Variants in DNM3 observed in about 807,000 individuals in gnomAD.
DNM3 encodes dynamin-3.
In DNM3, 47 loss-of-function variants were observed where a neutral mutation model predicts 101.6. That is an observed-to-expected ratio of 0.46 (90% CI 0.37 to 0.59). DNM3 has a LOEUF of 0.59. Among genes scored for constraint, DNM3 ranks in the 20% least tolerant of loss-of-function variants. The pLI, the probability that DNM3 is intolerant of heterozygous loss-of-function variation, is 0.00. For synonymous variants in DNM3, 385 were observed against 387.9 expected (o/e 0.99, Z 0.09); for missense variants, 849 against 1,085.7 (o/e 0.78, Z 3.06).
intron 17 of DNM3, among the ~76,000 whole-genome samples, chr1:172,358,840 T>A (rs776306071): frequency 4.0e-5 from 6 of 151,888 alleles, no homozygotes; most frequent in Non-Finnish European, 8.8e-5. Flanking sequence ...TCCATGCTCA[T>A]ATTTGACTCC....
intron 20 of DNM3, among the ~76,000 whole-genome samples, chr1:172,401,757 T>C (rs1213074959): frequency 6.6e-6 from 1 of 152,206 alleles, no homozygotes; most frequent in Non-Finnish European, 1.5e-5. Flanking sequence ...TCCAAAAATA[T>C]GCTGAATAGC....
intron 17 of DNM3, among the ~76,000 whole-genome samples, chr1:172,358,380 G>T (rs1273451468): frequency 1.3e-5 from 2 of 152,086 alleles, no homozygotes; most frequent in Non-Finnish European, 2.9e-5. Context: ...CCAGTGGGAA[G>T]AAAGAAGAGC....
At chr1:172,256,608 C>T (rs2148697464) in intron 15 of DNM3, among the ~76,000 whole-genome samples, 1 of 151,830 alleles carries the variant, frequency 6.6e-6, no homozygotes, top group Non-Finnish European at 1.5e-5. Context: ...AGTTTTGTGT[C>T]TTTTCAGAGA....
chr1:171,848,568 A>G (rs1463505705), intron 1 of DNM3, among the ~76,000 whole-genome samples: 9 of 152,210 alleles, frequency 5.9e-5, no homozygotes, highest in Non-Finnish European at 1.0e-4. Context: ...GCTTCTGAAA[A>G]GTTGTATGTA....
At chr1:172,353,030 C>T (rs1383022174) in intron 17 of DNM3, among the ~76,000 whole-genome samples, 1 of 152,102 alleles carries the variant, frequency 6.6e-6, no homozygotes, top group Non-Finnish European at 1.5e-5. Context: ...CAAATCCCCA[C>T]CTCAAGGTAT....
At chr1:172,280,367 C>T (rs575643764) in intron 15 of DNM3, among the ~76,000 whole-genome samples, 1 of 152,054 alleles carries the variant, frequency 6.6e-6, no homozygotes, top group Non-Finnish European at 1.5e-5. Context: ...TCAGTGAAGG[C>T]AAAAATTTAA....
At chr1:172,151,488 A>G (rs917636074) in intron 14 of DNM3, among the ~76,000 whole-genome samples, 1 of 152,208 alleles carries the variant, frequency 6.6e-6, no homozygotes, top group Non-Finnish European at 1.5e-5. Flanking sequence ...CTTCTGTCTT[A>G]TAACAAAATG....
chr1:172,064,374 G>T (rs1330507562), intron 10 of DNM3, among the ~76,000 whole-genome samples: 1 of 152,166 alleles, frequency 6.6e-6, no homozygotes, highest in Non-Finnish European at 1.5e-5. Flanking sequence ...TGGTATAAAT[G>T]ATTGAGGAAA....
chr1:172,368,693 A>G (rs1431906254), intron 17 of DNM3, among the ~76,000 whole-genome samples: 2 of 151,692 alleles, frequency 1.3e-5, no homozygotes, highest in African/African-American at 4.8e-5. Context: ...TTCTGAAAAG[A>G]TAAACAGAAT....
chr1:172,253,518 TCCTC>T, intron 14 of DNM3, 51 bp from the exon 15 acceptor site: 2 of 1,138,340 alleles, frequency 1.8e-6, no homozygotes, highest in African/African-American at 1.6e-5. Flanking sequence ...TCCTCTCCTC[TCCTC>T]TCCTCTCCTC....
At chr1:172,347,600 C>G (rs1301112309) in intron 17 of DNM3, among the ~76,000 whole-genome samples, 2 of 152,104 alleles carry the variant, frequency 1.3e-5, no homozygotes, top group African/African-American at 4.8e-5. Flanking sequence ...ACTGGAAAAT[C>G]TGTAGTGATA....
intron 18 of DNM3, among the ~76,000 whole-genome samples, chr1:172,384,398 A>C (rs1355468978): frequency 6.6e-6 from 1 of 152,204 alleles, no homozygotes; most frequent in Non-Finnish European, 1.5e-5. Context: ...TGTGCTGGGC[A>C]TCATGCTAGA....
chr1:172,260,365 T>A (rs1300458030), intron 15 of DNM3, among the ~76,000 whole-genome samples: 2 of 152,128 alleles, frequency 1.3e-5, no homozygotes, highest in Admixed American at 6.5e-5. Context: ...TCTAAATATT[T>A]TGCTAAGTTT....
chr1:171,875,913 T>C (rs1372570226), intron 1 of DNM3, among the ~76,000 whole-genome samples: 1 of 144,364 alleles, frequency 6.9e-6, no homozygotes, highest in Admixed American at 7.2e-5. Flanking sequence ...TGGGTTCAAG[T>C]GATTCTTGTG....
chr1:172,411,308 T>G lies in DNM3; in HGVS notation c.*3467T>G. 1 of 985,196 alleles carries G rather than the reference T, an allele frequency of 1.0e-6. No individual in the cohort carries two copies. The highest frequency in any genetic ancestry group is 1.2e-6 in the Non-Finnish European group (1 of 829,762). 61.0% of individuals were successfully genotyped at this position (985,196 alleles called of 1,614,324 possible). A position where few individuals can be genotyped will look rare whatever the true frequency, so the allele number is the denominator to read the frequency against. On this transcript the variant is annotated 3_prime_UTR_variant, in exon 21 of 21. Coordinates refer to ENST00000627582, the MANE Select transcript of DNM3 (RefSeq NM_015569.5). ...GTCATTTTGAGAGGTACAAAGCTCATAATTACCATGACAACATGGTAATGT... is the reference window on the plus strand; with the variant it reads ...GTCATTTTGAGAGGTACAAAGCTCAGAATTACCATGACAACATGGTAATGT...
At chr1:172,272,754 A>C (rs900243621) in intron 15 of DNM3, among the ~76,000 whole-genome samples, 5 of 152,134 alleles carry the variant, frequency 3.3e-5, no homozygotes, top group Admixed American at 1.3e-4. Flanking sequence ...TTAATTAGAC[A>C]AATTAACTCT....
chr1:172,000,913 G>A (rs1000494991), intron 4 of DNM3, among the ~76,000 whole-genome samples: 1 of 152,082 alleles, frequency 6.6e-6, no homozygotes, highest in Non-Finnish European at 1.5e-5. Flanking sequence ...TGAAAGATGG[G>A]AGATATTATA....
At chr1:172,291,505 A>G (rs1476557201) in intron 15 of DNM3, among the ~76,000 whole-genome samples, 2 of 152,184 alleles carry the variant, frequency 1.3e-5, no homozygotes, top group African/African-American at 4.8e-5. Context: ...AGGTAGTCTC[A>G]TGGATTTGTT....
At chr1:172,260,967 TC>T (rs1220684985) in intron 15 of DNM3, among the ~76,000 whole-genome samples, 3 of 151,926 alleles carry the variant, frequency 2.0e-5, no homozygotes, top group Non-Finnish European at 2.9e-5. Flanking sequence ...CTTCCTTCCT[TC>T]TTTTGAGACA....
Sources: gnomAD v4.1 joint callset for allele counts (sites outside exome capture counted in the v4.1 genomes callset) on GRCh38, gnomAD v4.1.1 for gene constraint, MANE v1.5 for transcripts, NCBI Gene and HGNC (gene_info 2026-07-23, HGNC 2026-07-21) for gene names.